Variants in NAPEPLD observed in about 807,000 individuals in gnomAD.
NAPEPLD encodes the protein N-acyl-phosphatidylethanolamine-hydrolyzing phospholipase D.
NAPEPLD carries 23 observed loss-of-function variants against 38.1 expected under a neutral mutation model. The observed-to-expected ratio is 0.60, with a 90% confidence interval of 0.43 to 0.86. NAPEPLD has a LOEUF of 0.86. Among genes scored for constraint, NAPEPLD ranks in the 40% least tolerant of loss-of-function variants. The pLI is 0.00. For synonymous variants in NAPEPLD, 147 were observed against 162.0 expected (o/e 0.91, Z 0.71); for missense variants, 411 against 476.8 (o/e 0.86, Z 1.28).
intron 1 of NAPEPLD, among the ~76,000 whole-genome samples, chr7:103,144,727 G>GA (rs1812188464): frequency 6.6e-6 from 1 of 151,730 alleles, no homozygotes; most frequent in African/African-American, 2.4e-5. Flanking sequence ...TGCATCTTAG[G>GA]CCAGGTGTGG....
chr7:103,137,984 C>CTA (rs1810432648), intron 1 of NAPEPLD, among the ~76,000 whole-genome samples: 1 of 143,776 alleles, frequency 7.0e-6, no homozygotes. Context: ...TGCTTTTTTT[C>CTA]TTTTTTTTTT....
At chr7:103,143,122 C>A (rs1394904920) in intron 1 of NAPEPLD, among the ~76,000 whole-genome samples, 1 of 151,738 alleles carries the variant, frequency 6.6e-6, no homozygotes, top group African/African-American at 2.4e-5. Context: ...CCAGGTGTGG[C>A]GGGCTGAGAT....
At chr7:103,133,759 A>T (rs980606894) in intron 1 of NAPEPLD, among the ~76,000 whole-genome samples, 11 of 152,236 alleles carry the variant, frequency 7.2e-5, no homozygotes, top group African/African-American at 2.7e-4. Context: ...TGTTTCCAAA[A>T]TTAACAATGT....
rs1049271860 is a variant in NAPEPLD at position 103,099,794 on chromosome 7, T to C, written c.*3635A>G. The C allele has an allele frequency of 6.6e-6, 1 of 151,994 alleles. No homozygotes were observed. The highest frequency in any genetic ancestry group is 1.5e-5 in the Non-Finnish European group (1 of 68,002). The allele number at this position is 151,994 out of a possible 1,614,324, so 9.4% of individuals were successfully genotyped here. A position where few individuals can be genotyped will look rare whatever the true frequency, so the allele number is the denominator to read the frequency against. On this transcript the variant is annotated 3_prime_UTR_variant, in exon 5 of 5. Transcript: ENST00000465647. The stretch of plus-strand genomic sequence containing the variant: ...TTATACATATTTTTTCCCTTGACAG[T>C]ACTTTATTAATTTTCATCCATATTT...
At chr7:103,128,432 G>A in intron 2 of NAPEPLD, 51 bp downstream of exon 2, 1 of 1,584,732 alleles carries the variant, frequency 6.3e-7, no homozygotes. Context: ...AATAACTAGA[G>A]TGTCATATAT....
At chr7:103,133,748 C>T (rs1809461073) in intron 1 of NAPEPLD, among the ~76,000 whole-genome samples, 1 of 152,204 alleles carries the variant, frequency 6.6e-6, no homozygotes, top group Non-Finnish European at 1.5e-5. Context: ...TGTTATGTAA[C>T]TGTTTCCAAA....
At chr7:103,136,314 G>A (rs1287653258) in intron 1 of NAPEPLD, among the ~76,000 whole-genome samples, 2 of 150,712 alleles carry the variant, frequency 1.3e-5, no homozygotes, top group Non-Finnish European at 2.9e-5. Context: ...GCTCACACCT[G>A]TAATCCTAGC....
intron 2 of NAPEPLD, 107 bp from the exon 3 acceptor site, chr7:103,120,330 A>G (rs1806402243): frequency 3.4e-6 from 4 of 1,173,202 alleles, no homozygotes; most frequent in African/African-American, 1.5e-5. Context: ...CTGTTTTAAG[A>G]GAACTAAAGT....
chr7:103,139,281 T>C (rs1309184753), intron 1 of NAPEPLD, among the ~76,000 whole-genome samples: 1 of 152,212 alleles, frequency 6.6e-6, no homozygotes, highest in Admixed American at 6.5e-5. Context: ...AGCTCTCCAG[T>C]TGCTGTGGAG....
At chr7:103,149,406 C>A, upstream of NAPEPLD, 2 of 1,226,362 alleles carry the variant, frequency 1.6e-6, no homozygotes, top group Non-Finnish European at 2.1e-6. Flanking sequence ...TTCTTCCTAA[C>A]CCGAGCCCGC....
chr7:103,111,106 G>C (rs4374923), intron 4 of NAPEPLD, among the ~76,000 whole-genome samples: 133,196 of 152,156 alleles, frequency 0.88, 61,035 homozygotes, highest in East Asian at 1. Flanking sequence ...AAGGAAATAA[G>C]AGAGGACACA....
At chr7:103,149,598 T>G (rs2129538482), upstream of NAPEPLD, 2 of 804,346 alleles carry the variant, frequency 2.5e-6, no homozygotes, top group East Asian at 1.2e-4. Flanking sequence ...TGGCCGCCCC[T>G]GTGGGCCGGG....
intron 4 of NAPEPLD, among the ~76,000 whole-genome samples, chr7:103,105,722 C>T (rs1803172120): frequency 6.6e-6 from 1 of 152,080 alleles, no homozygotes; most frequent in Non-Finnish European, 1.5e-5. Context: ...CACCTGAGGT[C>T]AGGAGTTTGA....
At chr7:103,133,786 C>T (rs1809470284) in intron 1 of NAPEPLD, among the ~76,000 whole-genome samples, 1 of 152,168 alleles carries the variant, frequency 6.6e-6, no homozygotes, top group Non-Finnish European at 1.5e-5. Context: ...AAATAATCCA[C>T]CCTTGATTTC....
In NAPEPLD at chr7:103,114,089, G is replaced by A. The variant is rs1227482692; in HGVS notation, c.1056+971C>T. Among the ~76,000 whole-genome samples, 3 of 131,730 alleles carry A rather than the reference G, an allele frequency of 2.3e-5. No homozygotes were observed. In the South Asian group the frequency reaches 7.4e-4, roughly 32 times the overall value. The allele number at this position is 131,730 out of a possible 152,430, so 86.4% of individuals were successfully genotyped here. On this transcript the variant is annotated intron_variant, in intron 4 of 4. Coordinates refer to ENST00000465647, the MANE Select transcript of NAPEPLD (RefSeq NM_001122838.3). ...ATTTTGTATTTTTAGTAGAGACGGG[G>A]TTTCGCCATGTTGGCCAGGCTGGTC...
At chr7:103,120,601 C>T (rs776775488) in intron 2 of NAPEPLD, among the ~76,000 whole-genome samples, 33 of 151,262 alleles carry the variant, frequency 2.2e-4, no homozygotes, top group Non-Finnish European at 4.1e-4. Flanking sequence ...CTAAAAACTG[C>T]CTTAAAAGCA....
chr7:103,128,495 T>G lies in NAPEPLD; in HGVS notation c.282A>C (p.Pro94=). The change falls in exon 2 of 5, where the codon CCA becomes CCC. Residue 94 remains proline (P), a synonymous_variant. Coordinates refer to ENST00000465647, the MANE Select transcript of NAPEPLD (RefSeq NM_001122838.3). ...AGCCAAGCGCTACCTCTTTAGAACTTGGAACACTGCTGTGATCTTTCTCCA... is the reference window on the plus strand; with the variant it reads ...AGCCAAGCGCTACCTCTTTAGAACTGGGAACACTGCTGTGATCTTTCTCCA... ...LIMEKDHSSV[P]SSKEELDKEL... 1 of 1,614,188 alleles carries G rather than the reference T, an allele frequency of 6.2e-7. No individual in the cohort carries two copies. Among genetic ancestry groups the G allele is most frequent in the Non-Finnish European group, 8.5e-7 (1 of 1,180,024 alleles).
At chr7:103,104,425 G>A (rs1335593200) in intron 4 of NAPEPLD, among the ~76,000 whole-genome samples, 3 of 152,162 alleles carry the variant, frequency 2.0e-5, no homozygotes, top group East Asian at 1.9e-4. Context: ...CAGAGCAAGC[G>A]GAGAGGAGGG....
intron 2 of NAPEPLD, among the ~76,000 whole-genome samples, chr7:103,120,991 C>A (rs1384578373): frequency 6.6e-6 from 1 of 152,026 alleles, no homozygotes; most frequent in Non-Finnish European, 1.5e-5. Context: ...GTATTATAGG[C>A]GTGAGCCACT....
Sources: gnomAD v4.1 joint callset for allele counts (sites outside exome capture counted in the v4.1 genomes callset) on GRCh38, gnomAD v4.1.1 for gene constraint, MANE v1.5 for transcripts, NCBI Gene and HGNC (gene_info 2026-07-23, HGNC 2026-07-21) for gene names.